Variants in KCTD8 observed in about 807,000 individuals in gnomAD.
KCTD8 encodes potassium channel tetramerization domain containing 8.
Under a neutral mutation model 31.5 loss-of-function variants are expected in KCTD8, and 27 were observed. That is an observed-to-expected ratio of 0.86 (90% CI 0.63 to 1.18). KCTD8 has a LOEUF of 1.18. Ranked by LOEUF, KCTD8 falls within the 50% of genes most tolerant of loss-of-function variation. The pLI is 0.00. For synonymous variants in KCTD8, 290 were observed against 280.0 expected (o/e 1.04, Z -0.36); for missense variants, 658 against 647.7 (o/e 1.02, Z -0.17).
chr4:44,270,931 T>C (rs1716578574), intron 1 of KCTD8, among the ~76,000 whole-genome samples: 1 of 152,080 alleles, frequency 6.6e-6, no homozygotes. Context: ...TTTTTTCTTC[T>C]TTCATTCCTA....
At chr4:44,394,847 T>C (rs1720457872) in intron 1 of KCTD8, among the ~76,000 whole-genome samples, 1 of 152,094 alleles carries the variant, frequency 6.6e-6, no homozygotes, top group African/African-American at 2.4e-5. Context: ...TATTGCAACA[T>C]TTTCTCACAT....
At chr4:44,388,383 T>C (rs899315911) in intron 1 of KCTD8, among the ~76,000 whole-genome samples, 13 of 151,994 alleles carry the variant, frequency 8.6e-5, no homozygotes, top group Admixed American at 4.6e-4. Context: ...TAAACCATTC[T>C]ATTATAAAGA....
chr4:44,289,384 A>G (rs979858033), intron 1 of KCTD8, among the ~76,000 whole-genome samples: 14 of 152,182 alleles, frequency 9.2e-5, no homozygotes, highest in African/African-American at 2.4e-5. Flanking sequence ...ATATCTAGGG[A>G]TAGAGCAAAA....
chr4:44,283,600 T>A (rs1239687751), intron 1 of KCTD8, among the ~76,000 whole-genome samples: 2 of 152,154 alleles, frequency 1.3e-5, no homozygotes, highest in Non-Finnish European at 2.9e-5. Flanking sequence ...CAAGAAGTCC[T>A]AGATGACAGC....
At chr4:44,293,465 C>A in intron 1 of KCTD8, 2 of 455,528 alleles carry the variant, frequency 4.4e-6, no homozygotes, top group Non-Finnish European at 8.8e-6. Context: ...GGCAAGCAAT[C>A]ATAAATAGCC....
rs115297521 is a variant in KCTD8, at chr4:44,410,720, C to A, written c.961+36843G>T. ...AAAAGAGCTTGAGGAGGAAAACTCC[C>A]CCTTATAATAACTATCAGCTCTTGT... On this transcript the variant is annotated intron_variant, in intron 1 of 1. Transcript: ENST00000360029. 3.2e-3 allele frequency among the ~76,000 whole-genome samples: 481 copies of A among 152,126 alleles called. 2 individuals are homozygous for A. The highest frequency in any genetic ancestry group is 0.011 in the African/African-American group (464 of 41,518).
intron 1 of KCTD8, among the ~76,000 whole-genome samples, chr4:44,359,586 C>T (rs1431246939): frequency 6.6e-6 from 1 of 152,084 alleles, no homozygotes; most frequent in Non-Finnish European, 1.5e-5. Context: ...TCAGAACACT[C>T]AACCCAAGTA....
At chr4:44,360,006 CAATT>C (rs1190783234) in intron 1 of KCTD8, among the ~76,000 whole-genome samples, 2 of 151,900 alleles carry the variant, frequency 1.3e-5, no homozygotes, top group African/African-American at 4.8e-5. Context: ...TACATAGTAA[CAATT>C]AACCCCTTCT....
At chr4:44,289,699 G>T (rs955283987) in intron 1 of KCTD8, among the ~76,000 whole-genome samples, 3 of 152,236 alleles carry the variant, frequency 2.0e-5, no homozygotes, top group African/African-American at 7.2e-5. Flanking sequence ...TGTGTGGGGG[G>T]TCTGACCAGA....
intron 1 of KCTD8, among the ~76,000 whole-genome samples, chr4:44,277,639 G>A (rs1000593465): frequency 9.9e-5 from 15 of 151,742 alleles, no homozygotes; most frequent in Admixed American, 2.0e-4. Context: ...GTTTTTCCTC[G>A]ATAATTAATT....
intron 1 of KCTD8, among the ~76,000 whole-genome samples, chr4:44,226,039 AGGATGGTCTCCATCTCC>A (rs1714951634): frequency 6.6e-6 from 1 of 152,106 alleles, no homozygotes; most frequent in East Asian, 1.9e-4. Flanking sequence ...CGTGTTAGCC[AGGATGGTCTCCATCTCC>A]GGACCTTGTG....
intron 1 of KCTD8, among the ~76,000 whole-genome samples, chr4:44,393,587 T>C (rs372584843): frequency 6.6e-6 from 1 of 151,410 alleles, no homozygotes; most frequent in Non-Finnish European, 1.5e-5. Flanking sequence ...AATTCTATTA[T>C]TAAAAATCCA....
At chr4:44,292,820 T>A (rs1292897084) in intron 1 of KCTD8, among the ~76,000 whole-genome samples, 1 of 152,130 alleles carries the variant, frequency 6.6e-6, no homozygotes. Flanking sequence ...TCCTATGAGA[T>A]TAAATTTTAT....
intron 1 of KCTD8, among the ~76,000 whole-genome samples, chr4:44,378,257 A>C (rs375363225): frequency 2.1e-5 from 3 of 144,314 alleles, no homozygotes; most frequent in Non-Finnish European, 4.5e-5. Context: ...ATATATATAT[A>C]TCTCCATGTA....
chr4:44,403,179 G>A (rs1007979688), intron 1 of KCTD8, among the ~76,000 whole-genome samples: 2 of 148,398 alleles, frequency 1.3e-5, no homozygotes, highest in African/African-American at 4.9e-5. Context: ...ATTTTTGCGG[G>A]GAGTGGAAGT....
chr4:44,402,734 A>C (rs1434303417), intron 1 of KCTD8, among the ~76,000 whole-genome samples: 1 of 152,174 alleles, frequency 6.6e-6, no homozygotes, highest in Non-Finnish European at 1.5e-5. Context: ...CTCCCCTCAT[A>C]TCAGCTGGCA....
chr4:44,242,175 T>TA (rs1291631125), intron 1 of KCTD8, among the ~76,000 whole-genome samples: 10 of 152,234 alleles, frequency 6.6e-5, no homozygotes, highest in Non-Finnish European at 5.9e-5. Flanking sequence ...GATACTATTT[T>TA]AAATGTATTA....
chr4:44,392,509 G>A (rs1388974965), intron 1 of KCTD8, among the ~76,000 whole-genome samples: 1 of 151,922 alleles, frequency 6.6e-6, no homozygotes, highest in Non-Finnish European at 1.5e-5. Flanking sequence ...TTATTTAAAA[G>A]GTGTAGGTGT....
chr4:44,304,625 CCACT>C (rs1229751397), intron 1 of KCTD8, among the ~76,000 whole-genome samples: 5 of 151,946 alleles, frequency 3.3e-5, no homozygotes, highest in African/African-American at 1.2e-4. Context: ...TTATACCTTC[CCACT>C]ATTATGTTGA....
Sources: gnomAD v4.1 joint callset for allele counts (sites outside exome capture counted in the v4.1 genomes callset) on GRCh38, gnomAD v4.1.1 for gene constraint, MANE v1.5 for transcripts, NCBI Gene and HGNC (gene_info 2026-07-23, HGNC 2026-07-21) for gene names.